TMEM94: variants seen among roughly 807,000 people sequenced by gnomAD.
TMEM94 encodes transmembrane protein 94.
In TMEM94, 81 loss-of-function variants were observed where a neutral mutation model predicts 158.6. The ratio of observed to expected loss-of-function variants is 0.51; its 90% CI spans 0.43 to 0.61. The LOEUF is 0.61. Ranked by LOEUF, TMEM94 falls within the 20% of genes least tolerant of loss-of-function variation. The pLI is 0.00. For missense variants in TMEM94, 1,435 were observed against 1,762.0 expected (o/e 0.81, Z 3.32); for synonymous variants, 751 against 730.7 (o/e 1.03, Z -0.45).
At position 75,492,003 on chromosome 17, in the gene TMEM94, C is replaced by T. The variant is rs555789500; in HGVS notation, c.1596+103C>T. 1 of 1,198,946 alleles carries T rather than the reference C, an allele frequency of 8.3e-7. No individual in the cohort carries two copies. Among genetic ancestry groups the T allele is most frequent in the South Asian group, 1.4e-5 (1 of 70,414 alleles). 74.3% of individuals were successfully genotyped at this position (1,198,946 alleles called of 1,614,324 possible). Reference sequence around the variant, plus strand: ...ACAAGGTCTGAAAGAGCAGGCGTCTCTGCCCTCTGTCCCAGCACCTCCAGG... The same window carrying T: ...ACAAGGTCTGAAAGAGCAGGCGTCTTTGCCCTCTGTCCCAGCACCTCCAGG... On this transcript the variant is annotated intron_variant, in intron 14 of 31. Coordinates refer to ENST00000314256, the MANE Select transcript of TMEM94 (RefSeq NM_014738.6). The surrounding 1 kb of genome is among the most constrained non-coding windows in gnomAD (Gnocchi z 4.4).
At chr17:75,490,148 T>C (rs2052028489) in intron 9 of TMEM94, 86 bp from the exon 10 acceptor site, 5 of 1,532,802 alleles carry the variant, frequency 3.3e-6, no homozygotes, top group Admixed American at 2.1e-5. Context: ...GCCCAGGGAA[T>C]GGCCGTGGGG....
At position 75,488,922 on chromosome 17, in the gene TMEM94, G is replaced by A. The variant is rs753596624; in HGVS notation, c.764+12G>A. ...ATTGACAACATCAGGTAGGGGTGCT[G>A]CCCCGCCTCCTCCTGTCCCTGGTGT... On this transcript the variant is annotated intron_variant, in intron 7 of 31. Transcript: ENST00000314256. The A allele has an allele frequency of 4.5e-6, 7 of 1,546,598 alleles. No homozygotes were observed. The highest frequency in any genetic ancestry group is 1.9e-5 in the Admixed American group (1 of 51,640).
intron 2 of TMEM94, among the ~76,000 whole-genome samples, chr17:75,475,816 G>C (rs1324985107): frequency 6.6e-6 from 1 of 152,222 alleles, no homozygotes; most frequent in Non-Finnish European, 1.5e-5. Context: ...CTGCATGGCT[G>C]TGAGGGTCTC....
chr17:75,474,842 C>A (rs1308124642), intron 2 of TMEM94, among the ~76,000 whole-genome samples: 1 of 152,138 alleles, frequency 6.6e-6, no homozygotes, highest in Admixed American at 6.5e-5. Context: ...GCCCTCACCC[C>A]TGTCCCCGGT....
intron 2 of TMEM94, among the ~76,000 whole-genome samples, chr17:75,480,086 T>G (rs1598359467): frequency 6.9e-6 from 1 of 145,540 alleles, no homozygotes; most frequent in African/African-American, 2.7e-5. Flanking sequence ...CAAGACCCGG[T>G]CTCAAAGGAA....
At chr17:75,488,202 C>T (rs2051792382) in intron 6 of TMEM94, 68 bp downstream of exon 6, 1 of 1,407,816 alleles carries the variant, frequency 7.1e-7, no homozygotes, top group East Asian at 2.4e-5. Context: ...ATGGGAGGGT[C>T]CCCAGACTTC....
intron 1 of TMEM94, among the ~76,000 whole-genome samples, chr17:75,465,680 T>TG (rs61548249): frequency 4.6e-5 from 2 of 43,624 alleles, no homozygotes; most frequent in African/African-American, 1.3e-4. Flanking sequence ...TATATATATA[T>TG]TTTTTTTTAA....
chr17:75,456,983 T>C (rs2049912499), intron 1 of TMEM94, among the ~76,000 whole-genome samples: 1 of 152,122 alleles, frequency 6.6e-6, no homozygotes, highest in Admixed American at 6.6e-5. Context: ...CCTGGATTGG[T>C]CCATTGTGGG....
At position 75,485,020 on chromosome 17, in the gene TMEM94, T is replaced by G. The variant is rs1039805760; in HGVS notation, c.25-408T>G. Reference sequence around the variant, plus strand: ...GCCACTGCACTCCAGCCTAGGAGACTAAGCAAGACTCTATCTAAAAAAAAA... The same window carrying G: ...GCCACTGCACTCCAGCCTAGGAGACGAAGCAAGACTCTATCTAAAAAAAAA... On this transcript the variant is annotated intron_variant, in intron 2 of 31. Transcript: ENST00000314256. This position sits in a 1 kb window ranked among gnomAD's most constrained non-coding sequence, Gnocchi z 5.5. Among the ~76,000 whole-genome samples, 11 of 147,484 alleles carry G rather than the reference T, an allele frequency of 7.5e-5. No individual in the cohort carries two copies. Among genetic ancestry groups the G allele is most frequent in the African/African-American group, 1.0e-4 (4 of 39,590 alleles).
rs143349328 is a variant in TMEM94 at position 75,486,292 on chromosome 17, G to A, written c.275G>A (p.Arg92His). Residue 92 changes from arginine (R) to histidine (H), a missense_variant and splice_region_variant, in exon 5 of 32, where the codon CGT becomes CAT. This residue lies in a region of TMEM94 where 1,051 missense variants were observed against 1,254.4 expected (regional missense o/e 0.84). Coordinates refer to ENST00000314256, the MANE Select transcript of TMEM94 (RefSeq NM_014738.6). ...GCCGGQPAGS[R>H]GVGLVNASAL... ...CGGCCTCTCTTTCCTCCCACCAGCCGTGGGGTGGGGCTGGTGAATGCCTCG... is the reference window on the plus strand; with the variant it reads ...CGGCCTCTCTTTCCTCCCACCAGCCATGGGGTGGGGCTGGTGAATGCCTCG... 1.6e-4 allele frequency: 255 copies of A among 1,614,080 alleles called. 2 individuals are homozygous for A. The highest frequency in any genetic ancestry group is 1.1e-3 in the East Asian group (48 of 44,886).
chr17:75,490,748 T>C lies in TMEM94; in HGVS notation c.1118T>C (p.Val373Ala). ...EDTLSSYTEAVSSQEMLRCIW... is the reference protein window; with the variant it reads ...EDTLSSYTEAASSQEMLRCIW... The stretch of plus-strand genomic sequence containing the variant: ...ACTCTCAGCAGCTATACGGAGGCTG[T>C]CTCCTCTCAGGTACAACACTGACCC... The change falls in exon 11 of 32, where the codon GTC becomes GCC. Residue 373 changes from valine (V) to alanine (A), a missense_variant. Physicochemically the swap from Val to Ala is moderately conservative, Grantham distance 64. Coordinates refer to ENST00000314256, the MANE Select transcript of TMEM94 (RefSeq NM_014738.6). 1 of 1,613,946 alleles carries C rather than the reference T, an allele frequency of 6.2e-7. No homozygotes were observed. The highest frequency in any genetic ancestry group is 8.5e-7 in the Non-Finnish European group (1 of 1,179,840).
intron 2 of TMEM94, among the ~76,000 whole-genome samples, chr17:75,476,077 G>C (rs1392650669): frequency 1.3e-5 from 2 of 152,138 alleles, no homozygotes; most frequent in African/African-American, 4.8e-5. Flanking sequence ...TGTTGGCTTG[G>C]CTCCATGCTG....
At position 75,492,548 on chromosome 17, in the gene TMEM94, C is replaced by G. The variant is rs770915274; in HGVS notation, c.1671C>G (p.Ser557Arg). The change falls in exon 15 of 32, where the codon AGC becomes AGG. Residue 557 changes from serine (S) to arginine (R), a missense_variant. Around this residue, in one of 3 missense-constraint regions of TMEM94, gnomAD observed 1,051 missense variants for 1,254.4 expected, o/e 0.84. Coordinates refer to ENST00000314256, the MANE Select transcript of TMEM94 (RefSeq NM_014738.6). This position sits in a 1 kb window ranked among gnomAD's most constrained non-coding sequence, Gnocchi z 4.4. ...FVCDYHLEMLSLSQDQQNPSC... is the reference protein window; with the variant it reads ...FVCDYHLEMLRLSQDQQNPSC... ...GTGACTACCACCTGGAGATGCTGAGCCTGTCCCAGGACCAGCAGAACCCCT... is the reference window on the plus strand; with the variant it reads ...GTGACTACCACCTGGAGATGCTGAGGCTGTCCCAGGACCAGCAGAACCCCT... 2 of 1,613,902 alleles carry G rather than the reference C, an allele frequency of 1.2e-6. No individual in the cohort carries two copies. The highest frequency in any genetic ancestry group is 1.7e-6 in the Non-Finnish European group (2 of 1,179,918).
intron 16 of TMEM94, 26 bp from the exon 17 acceptor site, chr17:75,493,465 C>T (rs767936851): frequency 4.4e-6 from 7 of 1,609,160 alleles, no homozygotes; most frequent in Non-Finnish European, 5.1e-6. Flanking sequence ...GTTAGCGACA[C>T]TCAGGGTTTG....
chr17:75,468,630 CT>C (rs2050389654), intron 1 of TMEM94, among the ~76,000 whole-genome samples: 3 of 152,170 alleles, frequency 2.0e-5, no homozygotes, highest in Admixed American at 1.3e-4. Flanking sequence ...GTATCTGAGC[CT>C]TCGAGGCTGG....
intron 2 of TMEM94, among the ~76,000 whole-genome samples, chr17:75,482,524 ATATGTATGTATGTATGTATGTATG>A (rs57220539): frequency 1.3e-4 from 19 of 145,092 alleles, no homozygotes; most frequent in African/African-American, 4.1e-4. Context: ...AAATATATAT[ATATGTATGTATGTATGTATGTATG>A]TATGTATGTA....
rs1210907468 is a variant in TMEM94, at chr17:75,492,743, G to T, written c.1866G>T (p.Leu622=). The part of the protein sequence containing the change: ...IALQESHSAV[L]PVHVPWGLCE... ...TGCAAGAGAGCCACAGCGCCGTGCT[G>T]CCCGTCCATGTGCCCTGGGGCCTCT... The change falls in exon 15 of 32, where the codon CTG becomes CTT. Residue 622 remains leucine (L), a synonymous_variant. Coordinates refer to ENST00000314256, the MANE Select transcript of TMEM94 (RefSeq NM_014738.6). This position sits in a 1 kb window ranked among gnomAD's most constrained non-coding sequence, Gnocchi z 4.4. 2 of 1,609,516 alleles carry T rather than the reference G, an allele frequency of 1.2e-6. No individual in the cohort carries two copies. The highest frequency in any genetic ancestry group is 1.7e-5 in the Admixed American group (1 of 60,010).
chr17:75,499,335 G>A lies in TMEM94; in HGVS notation c.*1G>A. The A allele has an allele frequency of 6.2e-7, 1 of 1,613,516 alleles. No individual in the cohort carries two copies. The highest frequency in any genetic ancestry group is 1.7e-5 in the Admixed American group (1 of 60,010). ...GCTGGGCATGAACTCTCCCTTCTGA[G>A]CCACTGGCTGTGGTGGCTGTAGTTG... On this transcript the variant is annotated 3_prime_UTR_variant, in exon 32 of 32. Transcript: ENST00000314256.
chr17:75,478,228 G>A (rs1414416547), intron 2 of TMEM94, among the ~76,000 whole-genome samples: 15 of 140,940 alleles, frequency 1.1e-4, no homozygotes, highest in East Asian at 2.1e-4. Flanking sequence ...CGTTTTAGCC[G>A]GGATGGTCTC....
Sources: allele counts gnomAD v4.1 joint callset (sites outside exome capture counted in the v4.1 genomes callset), GRCh38; gene constraint gnomAD v4.1.1; regional missense constraint gnomAD v4.1.1; non-coding constraint Gnocchi (gnomAD v3.1); transcripts MANE v1.5; gene names NCBI Gene and HGNC (gene_info 2026-07-23, HGNC 2026-07-21).